VOPP1: variants seen among roughly 807,000 people sequenced by gnomAD.
VOPP1 encodes WW domain binding protein VOPP1.
In VOPP1, 8 loss-of-function variants were observed where a neutral mutation model predicts 23.5. That is an observed-to-expected ratio of 0.34 (90% CI 0.20 to 0.61). VOPP1 has a LOEUF of 0.61. VOPP1 is among the 20% of genes least tolerant of loss of function. The pLI is 0.78. For synonymous variants in VOPP1, 83 were observed against 97.3 expected, an observed-to-expected ratio of 0.85 and a Z score of 0.86; for missense variants, 174 against 238.1, an observed-to-expected ratio of 0.73 and a Z score of 1.77.
chr7:55,507,320 C>T (rs1794792674), intron 2 of VOPP1, among the ~76,000 whole-genome samples: 1 of 152,256 alleles, frequency 6.6e-6, no homozygotes, highest in Non-Finnish European at 1.5e-5. Context: ...AATCTGGAGC[C>T]CTCTTGCCTG....
intron 1 of VOPP1, among the ~76,000 whole-genome samples, chr7:55,525,936 A>G (rs901524120): frequency 6.6e-6 from 1 of 152,166 alleles, no homozygotes; most frequent in African/African-American, 2.4e-5. Flanking sequence ...CTTAAGGATC[A>G]ACCATCTCTG....
chr7:55,523,444 G>A (rs1040668350), intron 1 of VOPP1, among the ~76,000 whole-genome samples: 4 of 151,924 alleles, frequency 2.6e-5, no homozygotes, highest in Non-Finnish European at 4.4e-5. Flanking sequence ...CATAAGAACT[G>A]GGTCATTCTT....
chr7:55,534,027 C>A (rs1187501159), intron 1 of VOPP1, among the ~76,000 whole-genome samples: 1 of 152,024 alleles, frequency 6.6e-6, no homozygotes, highest in Non-Finnish European at 1.5e-5. Flanking sequence ...GCAAGGTCAC[C>A]AGCAAACTGT....
chr7:55,525,204 C>T (rs189700131), intron 1 of VOPP1, among the ~76,000 whole-genome samples: 1 of 152,144 alleles, frequency 6.6e-6, no homozygotes, highest in African/African-American at 2.4e-5. Flanking sequence ...AGAGTACAGA[C>T]TCTCGGCCGG....
intron 1 of VOPP1, among the ~76,000 whole-genome samples, chr7:55,557,115 T>C (rs1797836673): frequency 6.6e-6 from 1 of 152,226 alleles, no homozygotes; most frequent in Admixed American, 6.5e-5. Context: ...CCTCACACTT[T>C]GTACTTATTT....
At chr7:55,549,161 A>C (rs1455456806) in intron 1 of VOPP1, among the ~76,000 whole-genome samples, 1 of 152,212 alleles carries the variant, frequency 6.6e-6, no homozygotes, top group Non-Finnish European at 1.5e-5. Flanking sequence ...ATGCGCCTAA[A>C]TTACCTAAAG....
intron 1 of VOPP1, chr7:55,553,761 AC>A (rs1797707725): frequency 8.0e-3 from 8 of 994 alleles, no homozygotes; most frequent in Non-Finnish European, 0.044. Flanking sequence ...CACTCTACAC[AC>A]ACACACACAC....
At chr7:55,504,727 T>C (rs1794596966) in intron 2 of VOPP1, among the ~76,000 whole-genome samples, 1 of 152,238 alleles carries the variant, frequency 6.6e-6, no homozygotes, top group South Asian at 2.1e-4. Flanking sequence ...CTTTCCAATG[T>C]CCAAAAGGAC....
chr7:55,483,891 G>C (rs1035434181), intron 4 of VOPP1, among the ~76,000 whole-genome samples: 2 of 152,148 alleles, frequency 1.3e-5, no homozygotes, highest in Non-Finnish European at 2.9e-5. Flanking sequence ...CGAGTAGCTG[G>C]GATTACAGGC....
chr7:55,553,494 A>G (rs2067199818), intron 1 of VOPP1, among the ~76,000 whole-genome samples: 1 of 152,190 alleles, frequency 6.6e-6, no homozygotes, highest in African/African-American at 2.4e-5. Flanking sequence ...TATTATTTAG[A>G]TGATAGATCT....
intron 4 of VOPP1, among the ~76,000 whole-genome samples, chr7:55,452,552 T>C (rs1370618990): frequency 6.6e-6 from 1 of 152,246 alleles, no homozygotes; most frequent in Non-Finnish European, 1.5e-5. Flanking sequence ...ATGACAGCTA[T>C]AGCCTTACAA....
chr7:55,510,304 T>C (rs547841155), intron 2 of VOPP1, among the ~76,000 whole-genome samples: 7 of 152,332 alleles, frequency 4.6e-5, no homozygotes, highest in African/African-American at 1.7e-4. Flanking sequence ...TCACTTAATC[T>C]AAATGGGTCC....
At chr7:55,483,669 TTC>T (rs1317106949) in intron 4 of VOPP1, among the ~76,000 whole-genome samples, 3 of 152,218 alleles carry the variant, frequency 2.0e-5, no homozygotes, top group African/African-American at 4.8e-5. Context: ...TCCTGGTGAA[TTC>T]TGTTACTTTC....
At chr7:55,492,251 G>A in intron 4 of VOPP1, 31 bp downstream of exon 4, 1 of 1,594,386 alleles carries the variant, frequency 6.3e-7, no homozygotes, top group Non-Finnish European at 8.6e-7. Context: ...ACACACTGTG[G>A]GGAGGAGAGA....
At chr7:55,548,970 T>C (rs1267228777) in intron 1 of VOPP1, among the ~76,000 whole-genome samples, 1 of 152,000 alleles carries the variant, frequency 6.6e-6, no homozygotes, top group African/African-American at 2.4e-5. Context: ...GTGACCACAG[T>C]GAGACTGGCC....
rs151126869 is a variant in VOPP1 at position 55,482,900 on chromosome 7, C to T, written c.328+9382G>A. ...TAAATCAGAAGCTGAGTGAAGACAA[C>T]GGTTTTGCTTGCTGCTGCTGATTTT... On this transcript the variant is annotated intron_variant, in intron 4 of 4. Coordinates refer to ENST00000285279, the MANE Select transcript of VOPP1 (RefSeq NM_030796.5). Among the ~76,000 whole-genome samples, 5 of 152,278 alleles carry T rather than the reference C, an allele frequency of 3.3e-5. No homozygotes were observed. The South Asian group carries it at 6.2e-4, about 19-fold the overall frequency.
downstream of VOPP1, among the ~76,000 whole-genome samples, chr7:55,470,355 C>G (rs1791745058): frequency 6.6e-6 from 1 of 152,330 alleles, no homozygotes; most frequent in East Asian, 1.9e-4. Flanking sequence ...AAAAACAGCC[C>G]TAGCTCAAGG....
intron 4 of VOPP1, among the ~76,000 whole-genome samples, chr7:55,454,969 G>T (rs1489310568): frequency 2.0e-5 from 3 of 152,098 alleles, no homozygotes; most frequent in South Asian, 2.1e-4. Flanking sequence ...GCAAGAGAAA[G>T]AAATAAAGAA....
At chr7:55,538,496 C>T (rs1796940351) in intron 1 of VOPP1, 1 of 902,080 alleles carries the variant, frequency 1.1e-6, no homozygotes, top group African/African-American at 1.7e-5. Context: ...CTACACAAAC[C>T]ACACAAAAAG....
Sources: allele counts gnomAD v4.1 joint callset (sites outside exome capture counted in the v4.1 genomes callset), GRCh38; gene constraint gnomAD v4.1.1; transcripts MANE v1.5; gene names NCBI Gene and HGNC (gene_info 2026-07-23, HGNC 2026-07-21).